Variants in LATS2 observed in about 807,000 individuals in gnomAD.
LATS2 encodes the protein serine/threonine-protein kinase LATS2.
In LATS2, 24 loss-of-function variants were observed where a neutral mutation model predicts 76.0. The ratio of observed to expected loss-of-function variants is 0.32; its 90% CI spans 0.23 to 0.44. LATS2 has a LOEUF of 0.44. Among genes scored for constraint, LATS2 ranks in the 20% least tolerant of loss-of-function variants. The probability of loss-of-function intolerance (pLI) is 1.00; values close to 1 mark genes in which losing one functional copy is unlikely to be tolerated. For synonymous variants in LATS2, 692 were observed against 635.4 expected, an observed-to-expected ratio of 1.09 and a Z score of -1.34; for missense variants, 1,286 against 1,481.2, an observed-to-expected ratio of 0.87 and a Z score of 2.16.
rs201011483 is a variant in LATS2, at chr13:20,988,940, C to A, written c.840G>T (p.Pro280=). The change falls in exon 4 of 8, where the codon CCG becomes CCT. Residue 280 remains proline, a synonymous_variant. Coordinates refer to ENST00000382592, the MANE Select transcript of LATS2 (RefSeq NM_014572.3). ...GGCTGGCGTAACCCCCGGTCTCCGG[C>A]GGCGTCTTGCTCTGGAAGGAGGGGC... ...QRSPSFQSKT[P]PETGGYASLP... 1.7e-3 allele frequency: 2,626 copies of A among 1,527,816 alleles called. 40 individuals carry two copies. In the African/African-American group the frequency reaches 0.032, roughly 19 times the overall value. The allele number at this position is 1,527,816 out of a possible 1,614,324, so 94.6% of individuals were successfully genotyped here.
chr13:21,045,619 C>T (rs1873041311), intron 2 of LATS2, 66 bp downstream of exon 2: 1 of 1,310,224 alleles, frequency 7.6e-7, no homozygotes, highest in African/African-American at 1.5e-5. Context: ...GTTGCCAAAC[C>T]ATTCTGACTG....
chr13:21,012,788 C>G (rs35769591), intron 2 of LATS2, among the ~76,000 whole-genome samples: 4 of 151,450 alleles, frequency 2.6e-5, no homozygotes, highest in East Asian at 1.9e-4. Context: ...GAATCACACC[C>G]CCCCCCCACC....
intron 2 of LATS2, among the ~76,000 whole-genome samples, chr13:21,043,196 G>C (rs1485665226): frequency 2.6e-5 from 4 of 151,934 alleles, no homozygotes; most frequent in African/African-American, 9.7e-5. Context: ...AAATTAGCCA[G>C]GCGTGGTGTT....
Position 21,037,506 on chromosome 13 carries a change from T to C in LATS2, c.342+8179A>G, listed in dbSNP as rs1294475408. Among the ~76,000 whole-genome samples the C allele has an allele frequency of 4.6e-5, 7 of 152,340 alleles. No homozygotes were observed. In the South Asian group the frequency reaches 1.5e-3, roughly 32 times the overall value. ...CTCTGTGCTTCTCTGTTAGGTGTTTTTGAGAGCTTGCACAGTTCTGGGTCT... is the reference window on the plus strand; with the variant it reads ...CTCTGTGCTTCTCTGTTAGGTGTTTCTGAGAGCTTGCACAGTTCTGGGTCT... On this transcript the variant is annotated intron_variant, in intron 2 of 7. Coordinates refer to ENST00000382592, the MANE Select transcript of LATS2 (RefSeq NM_014572.3).
At chr13:21,040,417 G>A (rs1205633363) in intron 2 of LATS2, among the ~76,000 whole-genome samples, 4 of 149,136 alleles carry the variant, frequency 2.7e-5, no homozygotes, top group Admixed American at 2.6e-4. Context: ...AGAAAGAAAT[G>A]TCTTTGCTGT....
chr13:20,976,989 A>T (rs921506960), intron 7 of LATS2, among the ~76,000 whole-genome samples: 1 of 152,190 alleles, frequency 6.6e-6, no homozygotes, highest in Non-Finnish European at 1.5e-5. Context: ...CATACAGTGG[A>T]ATTATTATTC....
chr13:21,002,204 C>T (rs949091283), intron 2 of LATS2, among the ~76,000 whole-genome samples: 4 of 151,852 alleles, frequency 2.6e-5, no homozygotes, highest in South Asian at 2.1e-4. Flanking sequence ...TGAGCCACTG[C>T]GCCCGGCCAA....
intron 2 of LATS2, among the ~76,000 whole-genome samples, chr13:21,039,719 C>T (rs1026566353): frequency 6.6e-6 from 1 of 152,162 alleles, no homozygotes; most frequent in Non-Finnish European, 1.5e-5. Flanking sequence ...GAGAGCAAGA[C>T]GGGAACATGA....
intron 2 of LATS2, among the ~76,000 whole-genome samples, chr13:21,010,201 A>AAAAAAAAC (rs1555225650): frequency 6.0e-5 from 9 of 150,726 alleles, no homozygotes; most frequent in African/African-American, 2.2e-4. Flanking sequence ...CTCTGTCAAA[A>AAAAAAAAC]AAACAAACAA....
chr13:21,025,745 G>C (rs1428533021), intron 2 of LATS2, among the ~76,000 whole-genome samples: 2 of 152,170 alleles, frequency 1.3e-5, no homozygotes, highest in Admixed American at 1.3e-4. Context: ...TACATGGTGA[G>C]GTCTCCTGTC....
rs374620767 is a variant in LATS2 at position 21,034,891 on chromosome 13, T to A, written c.342+10794A>T. ...ATAGAAGATTACAAATTGTAAAAAT[T>A]TAACTATGAAAAAAATCTCCCCTCT... On this transcript the variant is annotated intron_variant, in intron 2 of 7. Coordinates refer to ENST00000382592, the MANE Select transcript of LATS2 (RefSeq NM_014572.3). Among the ~76,000 whole-genome samples the A allele has an allele frequency of 1.1e-3, 167 of 152,118 alleles. 1 individual carries two copies. The highest frequency in any genetic ancestry group is 3.5e-3 in the African/African-American group (145 of 41,500).
chr13:21,012,724 T>A (rs138459922), intron 2 of LATS2, among the ~76,000 whole-genome samples: 1,584 of 151,988 alleles, frequency 0.01, 26 homozygotes, highest in African/African-American at 0.037. Context: ...GAAGATGGAA[T>A]GAACAGCGCT....
rs1347304260 is a variant in LATS2, at chr13:21,007,756, A to T, written c.343-16352T>A. 6.4e-3 allele frequency among the ~76,000 whole-genome samples: 38 copies of T among 5,952 alleles called. 8 individuals are homozygous for T. The highest frequency in any genetic ancestry group is 0.019 in the African/African-American group (33 of 1,776). 3.9% of individuals were successfully genotyped at this position (5,952 alleles called of 152,430 possible). On this transcript the variant is annotated intron_variant, in intron 2 of 7. Transcript: ENST00000382592. ...ATATAGTATATATATATATATATAT[A>T]TATATTTTTTTTTTTTTTTTGAGAT...
intron 2 of LATS2, among the ~76,000 whole-genome samples, chr13:21,004,993 A>C (rs1871210070): frequency 6.6e-6 from 1 of 152,230 alleles, no homozygotes; most frequent in African/African-American, 2.4e-5. Flanking sequence ...CAGCATAGCC[A>C]GGAAGCCTTC....
intron 1 of LATS2, among the ~76,000 whole-genome samples, chr13:21,059,416 C>G (rs1453831298): frequency 6.6e-6 from 1 of 151,656 alleles, no homozygotes; most frequent in Non-Finnish European, 1.5e-5. Flanking sequence ...GCTAATACAG[C>G]GAAACCCCGT....
intron 2 of LATS2, among the ~76,000 whole-genome samples, chr13:21,029,958 T>C (rs1415021141): frequency 6.6e-6 from 1 of 151,798 alleles, no homozygotes; most frequent in Non-Finnish European, 1.5e-5. Context: ...ACCCTGTCTC[T>C]ACTAAAAATA....
chr13:21,013,086 A>C (rs1445839278), intron 2 of LATS2, among the ~76,000 whole-genome samples: 4 of 152,212 alleles, frequency 2.6e-5, no homozygotes, highest in Non-Finnish European at 5.9e-5. Context: ...CTGGGGATGC[A>C]GTGGTGACAG....
intron 2 of LATS2, among the ~76,000 whole-genome samples, chr13:20,999,357 C>T (rs1219836419): frequency 1.3e-5 from 2 of 152,196 alleles, no homozygotes; most frequent in African/African-American, 4.8e-5. Context: ...CTTTTTGAAA[C>T]GAATGAAGAA....
intron 2 of LATS2, among the ~76,000 whole-genome samples, chr13:20,995,410 G>A (rs977412185): frequency 2.0e-5 from 3 of 152,200 alleles, no homozygotes; most frequent in Admixed American, 2.0e-4. Flanking sequence ...TGCATGCCAA[G>A]ATGTGGAAAG....
Sources: allele counts gnomAD v4.1 joint callset (sites outside exome capture counted in the v4.1 genomes callset), GRCh38; gene constraint gnomAD v4.1.1; transcripts MANE v1.5; gene names NCBI Gene and HGNC (gene_info 2026-07-23, HGNC 2026-07-21).